The following DGKG variants were observed in gnomAD, a reference collection of about 807,000 sequenced individuals.
DGKG encodes DAG kinase gamma.
Under a neutral mutation model 105.3 loss-of-function variants are expected in DGKG, and 78 were observed. The observed-to-expected ratio is 0.74, with a 90% CI of 0.62 to 0.89. The LOEUF (loss-of-function observed/expected upper bound fraction) is 0.89. Ranked by LOEUF, DGKG falls within the 40% of genes least tolerant of loss-of-function variation. DGKG has a pLI of 0.00. For synonymous variants in DGKG, 346 were observed against 367.1 expected, an observed-to-expected ratio of 0.94 and a Z score of 0.66; for missense variants, 958 against 1,020.1, an observed-to-expected ratio of 0.94 and a Z score of 0.83.
Position 186,149,930 on chromosome 3 carries a change from G to A in DGKG, c.*160C>T. The A allele has an allele frequency of 7.0e-7, 1 of 1,425,690 alleles. No individual in the cohort carries two copies. The highest frequency in any genetic ancestry group is 9.1e-7 in the Non-Finnish European group (1 of 1,095,274). 88.3% of individuals were successfully genotyped at this position (1,425,690 alleles called of 1,614,324 possible). On this transcript the variant is annotated 3_prime_UTR_variant, in exon 25 of 25. Transcript: ENST00000265022. Reference sequence around the variant, plus strand: ...GTTGAAACAGAATGTATGGCAAGGTGACGTTTTCTTCCCGAAGGGTGGCTT... The same window carrying A: ...GTTGAAACAGAATGTATGGCAAGGTAACGTTTTCTTCCCGAAGGGTGGCTT...
At chr3:186,350,082 A>T (rs1410689351) in intron 1 of DGKG, among the ~76,000 whole-genome samples, 1 of 151,566 alleles carries the variant, frequency 6.6e-6, no homozygotes, top group African/African-American at 2.4e-5. Context: ...TAGAGATGGG[A>T]CTTCATCATG....
intron 1 of DGKG, among the ~76,000 whole-genome samples, chr3:186,343,246 C>G (rs909414839): frequency 6.6e-6 from 1 of 152,178 alleles, no homozygotes; most frequent in African/African-American, 2.4e-5. Flanking sequence ...AAAACAACAA[C>G]AAGAAGCCAG....
chr3:186,222,101 G>C (rs1719612225), intron 20 of DGKG, among the ~76,000 whole-genome samples: 1 of 152,242 alleles, frequency 6.6e-6, no homozygotes, highest in African/African-American at 2.4e-5. Flanking sequence ...AGCTAGACTG[G>C]AACGGGATCA....
At chr3:186,201,883 T>G (rs1307322007) in intron 21 of DGKG, among the ~76,000 whole-genome samples, 1 of 152,244 alleles carries the variant, frequency 6.6e-6, no homozygotes, top group Non-Finnish European at 1.5e-5. Flanking sequence ...GCTGACTGCC[T>G]GATAGATATG....
intron 20 of DGKG, among the ~76,000 whole-genome samples, chr3:186,229,683 C>T (rs1720046253): frequency 6.6e-6 from 1 of 152,204 alleles, no homozygotes; most frequent in Admixed American, 6.5e-5. Flanking sequence ...CCCAGTTATA[C>T]CCACGAACTC....
intron 20 of DGKG, among the ~76,000 whole-genome samples, chr3:186,235,970 T>G (rs1417083526): frequency 6.6e-6 from 1 of 152,198 alleles, no homozygotes; most frequent in Non-Finnish European, 1.5e-5. Context: ...CTGTTCCTCC[T>G]GAGGCCATTT....
chr3:186,218,126 C>T (rs1435145787), intron 20 of DGKG, among the ~76,000 whole-genome samples: 1 of 152,100 alleles, frequency 6.6e-6, no homozygotes, highest in Non-Finnish European at 1.5e-5. Flanking sequence ...GAGCTGCCTC[C>T]CAGACCCCAT....
At chr3:186,222,059 C>T (rs547006826) in intron 20 of DGKG, among the ~76,000 whole-genome samples, 21 of 152,342 alleles carry the variant, frequency 1.4e-4, no homozygotes, top group Admixed American at 2.6e-4. Flanking sequence ...TATTTGTAGA[C>T]GTGTGAGATG....
At chr3:186,348,180 G>T (rs1726436725) in intron 1 of DGKG, among the ~76,000 whole-genome samples, 1 of 151,958 alleles carries the variant, frequency 6.6e-6, no homozygotes, top group East Asian at 1.9e-4. Flanking sequence ...CAGTTGCATT[G>T]TTTCCTGACT....
At chr3:186,234,952 C>T (rs1416052707) in intron 20 of DGKG, among the ~76,000 whole-genome samples, 1 of 151,728 alleles carries the variant, frequency 6.6e-6, no homozygotes, top group Non-Finnish European at 1.5e-5. Context: ...CTTTTTTCTG[C>T]GAATAATCAA....
intron 17 of DGKG, among the ~76,000 whole-genome samples, chr3:186,256,156 A>G (rs2108567763): frequency 6.6e-6 from 1 of 152,154 alleles, no homozygotes; most frequent in African/African-American, 2.4e-5. Flanking sequence ...CCTCCCACAA[A>G]CAACTCCAGA....
At chr3:186,272,547 G>A (rs1422046391) in intron 10 of DGKG, among the ~76,000 whole-genome samples, 1 of 152,104 alleles carries the variant, frequency 6.6e-6, no homozygotes, top group Non-Finnish European at 1.5e-5. Context: ...TATCTGCTGC[G>A]GCTGCACCTC....
intron 24 of DGKG, among the ~76,000 whole-genome samples, chr3:186,157,786 C>A (rs1003472924): frequency 6.6e-6 from 1 of 152,178 alleles, no homozygotes; most frequent in Non-Finnish European, 1.5e-5. Flanking sequence ...TCACTGCAAC[C>A]TCTGCCTCTG....
intron 24 of DGKG, chr3:186,158,794 C>G (rs1215480336): frequency 1.1e-6 from 1 of 920,082 alleles, no homozygotes; most frequent in Non-Finnish European, 1.3e-6. Flanking sequence ...TATTTTGATT[C>G]TGTTATTAAA....
At chr3:186,195,020 G>A (rs964603499) in intron 21 of DGKG, among the ~76,000 whole-genome samples, 1 of 151,934 alleles carries the variant, frequency 6.6e-6, no homozygotes, top group Non-Finnish European at 1.5e-5. Flanking sequence ...CAGGAGAATC[G>A]CTTGAACCCG....
In DGKG at chr3:186,148,991, A is replaced by AATAT. The variant is rs564676538; in HGVS notation, c.*1095_*1098dup. The stretch of plus-strand genomic sequence containing the variant: ...TATATATATATAAATATATAGGCTA[A>AATAT]ATATATATATATACACGCACACACA... On this transcript the variant is annotated 3_prime_UTR_variant, in exon 25 of 25. Coordinates refer to ENST00000265022, the MANE Select transcript of DGKG (RefSeq NM_001346.3). 1.9e-5 allele frequency: 15 copies of AATAT among 775,964 alleles called. No individual in the cohort carries two copies. In the African/African-American group the frequency reaches 2.1e-4, roughly 11 times the overall value. The allele number at this position is 775,964 out of a possible 1,614,324, so 48.1% of individuals were successfully genotyped here.
chr3:186,255,074 C>T (rs1721398679), intron 17 of DGKG, among the ~76,000 whole-genome samples: 1 of 152,354 alleles, frequency 6.6e-6, no homozygotes, highest in South Asian at 2.1e-4. Flanking sequence ...CCTGGTGCCT[C>T]GTCAGAATAT....
At chr3:186,168,132 A>G (rs911815075) in intron 22 of DGKG, among the ~76,000 whole-genome samples, 4 of 152,212 alleles carry the variant, frequency 2.6e-5, no homozygotes, top group Admixed American at 6.5e-5. Flanking sequence ...CAGGATGAAG[A>G]AAAAAATAAT....
chr3:186,277,842 A>C (rs914115512), intron 9 of DGKG, among the ~76,000 whole-genome samples: 2 of 152,138 alleles, frequency 1.3e-5, no homozygotes, highest in Non-Finnish European at 2.9e-5. Context: ...TATCTCATTC[A>C]GTGATTCCCC....
Sources: gnomAD v4.1 joint callset for allele counts (sites outside exome capture counted in the v4.1 genomes callset) on GRCh38, gnomAD v4.1.1 for gene constraint, MANE v1.5 for transcripts, NCBI Gene and HGNC (gene_info 2026-07-23, HGNC 2026-07-21) for gene names.